The following AKR1B1 variants were observed in gnomAD, a reference collection of about 807,000 sequenced individuals.
AKR1B1 encodes aldo-keto reductase family 1 member B1.
A neutral mutation model predicts 40.4 loss-of-function variants in AKR1B1; 22 were observed. The observed-to-expected ratio is 0.54, with a 90% CI of 0.39 to 0.78. The LOEUF is 0.78. Among genes scored for constraint, AKR1B1 ranks in the 30% least tolerant of loss-of-function variants. AKR1B1 has a pLI of 0.00. For missense variants in AKR1B1, 357 were observed against 396.7 expected, an observed-to-expected ratio of 0.90 and a Z score of 0.85; for synonymous variants, 157 against 149.9, an observed-to-expected ratio of 1.05 and a Z score of -0.35.
intron 1 of AKR1B1, among the ~76,000 whole-genome samples, chr7:134,458,674 G>T (rs1347254825): frequency 6.6e-5 from 10 of 152,174 alleles, no homozygotes; most frequent in African/African-American, 2.4e-5. Context: ...GCCGCTTGGG[G>T]CGCCCGCTAG....
At chr7:134,445,183 T>C (rs1465723975) in intron 9 of AKR1B1, 55 bp downstream of exon 9, 1 of 1,469,520 alleles carries the variant, frequency 6.8e-7, no homozygotes, top group Non-Finnish European at 9.4e-7. Context: ...ACTCTCTTGC[T>C]GTGCAGCATC....
intron 2 of AKR1B1, 69 bp downstream of exon 2, chr7:134,451,517 G>A (rs1585714784): frequency 8.3e-6 from 13 of 1,573,670 alleles, no homozygotes; most frequent in Middle Eastern, 2.2e-4. Flanking sequence ...GTGTGGACTT[G>A]GCTTTGGGCT....
intron 1 of AKR1B1, among the ~76,000 whole-genome samples, chr7:134,454,890 C>T (rs1008781121): frequency 6.6e-6 from 1 of 152,230 alleles, no homozygotes; most frequent in Non-Finnish European, 1.5e-5. Context: ...TTCTAAGACA[C>T]TGCTGTTTCC....
chr7:134,458,042 T>C (rs1254255917), intron 1 of AKR1B1, among the ~76,000 whole-genome samples: 1 of 152,194 alleles, frequency 6.6e-6, no homozygotes, highest in Non-Finnish European at 1.5e-5. Flanking sequence ...ACCCAGGTTA[T>C]GGCTGTGGAA....
chr7:134,456,598 G>A (rs1373627334), intron 1 of AKR1B1, among the ~76,000 whole-genome samples: 3 of 150,962 alleles, frequency 2.0e-5, no homozygotes, highest in Non-Finnish European at 4.4e-5. Flanking sequence ...TGCCCCCACC[G>A]TACAATTCTA....
rs114023160 is a variant in AKR1B1 at position 134,448,001 on chromosome 7, C to T, written c.720G>A (p.Lys240=). The T allele has an allele frequency of 7.4e-3, 11,949 of 1,613,026 alleles. 68 individuals carry two copies. Among genetic ancestry groups the T allele is most frequent in the Non-Finnish European group, 8.8e-3 (10,385 of 1,179,732 alleles). Residue 240 remains lysine, a synonymous_variant, in exon 7 of 10, where the codon AAG becomes AAA. Transcript: ENST00000285930. ...EDPRIKAIAA[K]HNKTTAQVLI... ...GTACCTGGGCTGTAGTTTTATTGTG[C>T]TTGGCTGCGATCGCCTTGATCCTGG...
chr7:134,444,061 T>A (rs538949626), intron 9 of AKR1B1, among the ~76,000 whole-genome samples: 1 of 152,248 alleles, frequency 6.6e-6, no homozygotes, highest in South Asian at 2.1e-4. Flanking sequence ...TTCAATCCAC[T>A]CTGTCTCAAG....
At position 134,448,127 on chromosome 7, in the gene AKR1B1, A is replaced by AAC. The variant is rs1263140673; in HGVS notation, c.660-68_660-67dup. The stretch of plus-strand genomic sequence containing the variant: ...ACCACTCACAGCAGCCAGAAACCCC[A>AAC]ACCCTAATCCTCCCATCGACCTCAG... On this transcript the variant is annotated intron_variant, in intron 6 of 9. Coordinates refer to ENST00000285930, the MANE Select transcript of AKR1B1 (RefSeq NM_001628.4). 4.4e-6 allele frequency: 6 copies of AAC among 1,356,466 alleles called. No homozygotes were observed. The Admixed American group carries it at 1.1e-4, about 26-fold the overall frequency. 84.0% of individuals were successfully genotyped at this position (1,356,466 alleles called of 1,614,324 possible). A position where few individuals can be genotyped will look rare whatever the true frequency, so the allele number is the denominator to read the frequency against.
chr7:134,450,384 G>A (rs566005029), intron 3 of AKR1B1, among the ~76,000 whole-genome samples: 3 of 152,324 alleles, frequency 2.0e-5, no homozygotes, highest in South Asian at 2.1e-4. Flanking sequence ...CATGTAGAAC[G>A]TGGGTAGGGA....
At chr7:134,444,844 G>C (rs2691839) in intron 9 of AKR1B1, 2 of 327,698 alleles carry the variant, frequency 6.1e-6, no homozygotes, top group South Asian at 5.8e-5. Context: ...AGCCCCAGGG[G>C]CTCCCGACCA....
At chr7:134,447,406 T>C (rs376901099) in intron 7 of AKR1B1, 25 bp from the exon 8 acceptor site, 1 of 1,598,022 alleles carries the variant, frequency 6.3e-7, no homozygotes, top group South Asian at 1.1e-5. Context: ...AGACAGTGAG[T>C]GTGTATACAT....
upstream of AKR1B1, chr7:134,459,203 GC>G: frequency 9.4e-7 from 1 of 1,059,946 alleles, no homozygotes; most frequent in South Asian, 1.4e-5. Flanking sequence ...GATTGGTTGC[GC>G]TGGGGGTGCC....
chr7:134,456,561 C>A (rs1365920426), intron 1 of AKR1B1, among the ~76,000 whole-genome samples: 1 of 151,956 alleles, frequency 6.6e-6, no homozygotes, highest in Non-Finnish European at 1.5e-5. Flanking sequence ...CATCCTTATA[C>A]CATTACTTTG....
chr7:134,451,197 G>C (rs940665301), intron 2 of AKR1B1: 17 of 548,964 alleles, frequency 3.1e-5, no homozygotes, highest in African/African-American at 3.0e-4. Context: ...GCTGGTGTTT[G>C]TGGAGCCAGC....
At chr7:134,450,104 C>G (rs1230724944) in intron 3 of AKR1B1, among the ~76,000 whole-genome samples, 5 of 152,188 alleles carry the variant, frequency 3.3e-5, no homozygotes, top group Non-Finnish European at 7.3e-5. Flanking sequence ...CCTGGCGGGT[C>G]ACTGGCCTAT....
At chr7:134,444,123 G>A (rs866174083) in intron 9 of AKR1B1, among the ~76,000 whole-genome samples, 1 of 152,198 alleles carries the variant, frequency 6.6e-6, no homozygotes, top group Non-Finnish European at 1.5e-5. Flanking sequence ...AAAGGAGAAC[G>A]AATGTAGCTT....
rs188664638 is a variant in AKR1B1 at position 134,448,431 on chromosome 7, G to T, written c.615C>A (p.Ile205=). The T allele has an allele frequency of 6.2e-7, 1 of 1,613,854 alleles. No homozygotes were observed. The highest frequency in any genetic ancestry group is 1.7e-5 in the Admixed American group (1 of 59,988). ...CGAGGGGGCTGTAGGCGGTCACCAC[G>T]ATGCCTTTGGACTGGCAGTACTGGA... ...KLIQYCQSKG[I]VVTAYSPLGS... is the part of the protein sequence containing the mutation. The change falls in exon 6 of 10, where the codon ATC becomes ATA. Residue 205 remains isoleucine (I), a synonymous_variant. Transcript: ENST00000285930.
intron 8 of AKR1B1, among the ~76,000 whole-genome samples, chr7:134,445,623 G>T (rs1157228539): frequency 6.6e-6 from 1 of 152,198 alleles, no homozygotes; most frequent in Admixed American, 6.5e-5. Flanking sequence ...ATATAATTAT[G>T]GGTAAGATGT....
In AKR1B1 at chr7:134,445,416, G is replaced by C. The variant is rs553293600; in HGVS notation, c.826-96C>G. 1.7e-5 allele frequency: 17 copies of C among 986,092 alleles called. No individual in the cohort carries two copies. In the African/African-American group the frequency reaches 1.9e-4, roughly 11 times the overall value. 61.1% of individuals were successfully genotyped at this position (986,092 alleles called of 1,614,324 possible). A position where few individuals can be genotyped will look rare whatever the true frequency, so the allele number is the denominator to read the frequency against. ...CAGATGTCTTCCATGGCTTTGAGCA[G>C]AGAGGAGCGATAAGATAAACTGAAC... On this transcript the variant is annotated intron_variant, in intron 8 of 9. Transcript: ENST00000285930.
Sources: allele counts gnomAD v4.1 joint callset (sites outside exome capture counted in the v4.1 genomes callset), GRCh38; gene constraint gnomAD v4.1.1; transcripts MANE v1.5; gene names NCBI Gene and HGNC (gene_info 2026-07-23, HGNC 2026-07-21).